The following TASP1 variants were observed in gnomAD, a reference collection of about 807,000 sequenced individuals.
The protein encoded by TASP1 is taspase 1, also known as threonine aspartase 1.
TASP1 carries 16 observed loss-of-function variants against 56.6 expected under a neutral mutation model. The ratio of observed to expected loss-of-function variants is 0.28; its 90% CI spans 0.19 to 0.43. The LOEUF is 0.43. TASP1 is among the 20% of genes least tolerant of loss of function. The probability of loss-of-function intolerance (pLI) is 1.00; values close to 1 mark genes in which losing one functional copy is unlikely to be tolerated. For synonymous variants in TASP1, 179 were observed against 184.2 expected, an observed-to-expected ratio of 0.97 and a Z score of 0.23; for missense variants, 393 against 511.6, an observed-to-expected ratio of 0.77 and a Z score of 2.24.
chr20:13,246,003 C>G, the TASP1 span, among the ~76,000 whole-genome samples: 1 of 152,214 alleles, frequency 6.6e-6, no homozygotes, highest in Admixed American at 6.5e-5. Context: ...CGCTGTGGCT[C>G]ACGCCTATAA....
intron 12 of TASP1, among the ~76,000 whole-genome samples, chr20:13,426,883 G>A (rs1345681330): frequency 6.6e-6 from 1 of 152,186 alleles, no homozygotes; most frequent in Non-Finnish European, 1.5e-5. Context: ...CTAAAGAAAT[G>A]AGCTTCCAAC....
intron 4 of TASP1, among the ~76,000 whole-genome samples, chr20:13,604,684 A>G (rs1440814768): frequency 6.6e-6 from 1 of 152,186 alleles, no homozygotes; most frequent in Admixed American, 6.5e-5. Context: ...TTTTTTCATT[A>G]ACAGTAGCCA....
the TASP1 span, among the ~76,000 whole-genome samples, chr20:13,248,666 G>A: frequency 1.2e-4 from 18 of 152,110 alleles, no homozygotes; most frequent in African/African-American, 3.9e-4. Flanking sequence ...ACTTCTTTTC[G>A]TCTCCTTCAT....
intron 10 of TASP1, among the ~76,000 whole-genome samples, chr20:13,521,785 A>AAAATT (rs143120350): frequency 2.6e-5 from 4 of 151,632 alleles, no homozygotes; most frequent in Non-Finnish European, 4.4e-5. Flanking sequence ...GTATAATAAT[A>AAAATT]AAATTAAATT....
At chr20:13,388,589 G>A (rs1310627896), downstream of TASP1, among the ~76,000 whole-genome samples, 1 of 152,136 alleles carries the variant, frequency 6.6e-6, no homozygotes, top group South Asian at 2.1e-4. Flanking sequence ...CTGGTCAGAC[G>A]ATTTTCAGAC....
At chr20:13,228,839 T>G in the TASP1 span, among the ~76,000 whole-genome samples, 1 of 152,240 alleles carries the variant, frequency 6.6e-6, no homozygotes, top group Non-Finnish European at 1.5e-5. Context: ...CTCATACTTT[T>G]ATTTCTGTTG....
chr20:13,396,292 C>A (rs1038414745), intron 13 of TASP1, among the ~76,000 whole-genome samples: 1 of 152,180 alleles, frequency 6.6e-6, no homozygotes, highest in African/African-American at 2.4e-5. Flanking sequence ...AGCATTAAAC[C>A]TTGGAATGTA....
chr20:13,539,208 A>G (rs532778032), intron 8 of TASP1, among the ~76,000 whole-genome samples: 2 of 152,350 alleles, frequency 1.3e-5, no homozygotes, highest in African/African-American at 4.8e-5. Flanking sequence ...CTTATAAACT[A>G]TAGTCAAGAT....
At chr20:13,357,458 G>T in the TASP1 span, among the ~76,000 whole-genome samples, 10 of 152,156 alleles carry the variant, frequency 6.6e-5, no homozygotes, top group African/African-American at 2.4e-4. Context: ...TCAAATAACT[G>T]AAGAGAAAAG....
intron 13 of TASP1, among the ~76,000 whole-genome samples, chr20:13,415,304 T>C (rs2042218060): frequency 6.6e-6 from 1 of 152,092 alleles, no homozygotes; most frequent in Admixed American, 6.6e-5. Context: ...CTTTTCTCTT[T>C]TGAGCTCAGC....
Position 13,625,178 on chromosome 20 carries a change from T to C in TASP1, c.213+7A>G, listed in dbSNP as rs564661872. On this transcript the variant is annotated splice_region_variant and intron_variant, in intron 3 of 13. Transcript: ENST00000337743. ...CAATGCACAGATCATACACATTGTG[T>C]TCATACCTTCTGACAAGCTCGTTTG... is the stretch of plus-strand genomic sequence containing the variant. 1.2e-5 allele frequency: 20 copies of C among 1,604,896 alleles called. No individual in the cohort carries two copies. The East Asian group carries it at 4.5e-4, about 36-fold the overall frequency.
At chr20:13,491,638 T>C (rs1327391840) in intron 10 of TASP1, among the ~76,000 whole-genome samples, 1 of 152,188 alleles carries the variant, frequency 6.6e-6, no homozygotes, top group Non-Finnish European at 1.5e-5. Flanking sequence ...AATCATATTG[T>C]CAAATTAAGT....
the TASP1 span, among the ~76,000 whole-genome samples, chr20:13,256,377 C>T: frequency 7.0e-3 from 866 of 123,896 alleles, 11 homozygotes; most frequent in African/African-American, 0.026. Flanking sequence ...GCCTGGGCAA[C>T]AGAGTGAGAC....
the TASP1 span, among the ~76,000 whole-genome samples, chr20:13,163,979 G>A: frequency 2.0e-5 from 3 of 152,008 alleles, no homozygotes; most frequent in Non-Finnish European, 4.4e-5. Flanking sequence ...ATGTATACAT[G>A]TGCCATGTTG....
the TASP1 span, among the ~76,000 whole-genome samples, chr20:13,105,195 G>A: frequency 1.3e-5 from 2 of 152,066 alleles, no homozygotes; most frequent in African/African-American, 2.4e-5. Flanking sequence ...AATCCAGGCC[G>A]AGCGCAGTCT....
At chr20:13,107,162 G>T in the TASP1 span, among the ~76,000 whole-genome samples, 1 of 152,150 alleles carries the variant, frequency 6.6e-6, no homozygotes, top group African/African-American at 2.4e-5. Context: ...AAACGTCTGG[G>T]CCCTGACCCA....
chr20:13,221,304 C>G, the TASP1 span, among the ~76,000 whole-genome samples: 3 of 147,928 alleles, frequency 2.0e-5, no homozygotes, highest in South Asian at 4.2e-4. Context: ...TCTCTGGCGG[C>G]CGCTCCCGCT....
intron 7 of TASP1, among the ~76,000 whole-genome samples, chr20:13,566,581 G>A (rs1216850136): frequency 6.7e-6 from 1 of 149,092 alleles, no homozygotes; most frequent in Non-Finnish European, 1.5e-5. Flanking sequence ...AATACCAAAA[G>A]GTTACAGTCT....
intron 10 of TASP1, among the ~76,000 whole-genome samples, chr20:13,489,455 C>T (rs2043442804): frequency 6.6e-6 from 1 of 151,934 alleles, no homozygotes; most frequent in Non-Finnish European, 1.5e-5. Flanking sequence ...TGAGGCACAG[C>T]AGCATGACTG....
Sources: gnomAD v4.1 joint callset for allele counts (sites outside exome capture counted in the v4.1 genomes callset) on GRCh38, gnomAD v4.1.1 for gene constraint, MANE v1.5 for transcripts, NCBI Gene and HGNC (gene_info 2026-07-23, HGNC 2026-07-21) for gene names.